Variants in TG observed in about 807,000 individuals in gnomAD.
The protein encoded by TG is thyroid hormones.
In TG, 270 loss-of-function variants were observed where a neutral mutation model predicts 324.7. The ratio of observed to expected loss-of-function variants is 0.83; its 90% CI spans 0.75 to 0.92. The LOEUF (loss-of-function observed/expected upper bound fraction) is 0.92. TG is among the 40% of genes least tolerant of loss of function. The probability of loss-of-function intolerance (pLI) is 0.00; values close to 1 mark genes in which losing one functional copy is unlikely to be tolerated. For synonymous variants in TG, 1,401 were observed against 1,327.0 expected, an observed-to-expected ratio of 1.06 and a Z score of -1.21; for missense variants, 3,591 against 3,456.4, an observed-to-expected ratio of 1.04 and a Z score of -0.98.
At position 132,972,722 on chromosome 8, in the gene TG, CG is replaced by C; in HGVS notation, c.6182del (p.Gly2061AspfsTer92). 1 of 1,614,084 alleles carries C rather than the reference CG, an allele frequency of 6.2e-7. No homozygotes were observed. The highest frequency in any genetic ancestry group is 8.5e-7 in the Non-Finnish European group (1 of 1,179,994). ...PDIEVHTYPF[G>X]WYQKPIAQNN... is the part of the protein sequence containing the mutation. The stretch of plus-strand genomic sequence containing the variant: ...ACATTGAAGTCCACACCTATCCCTT[CG>C]GATGGTACCAGAAGCCCAGTAAGTA... On this transcript the variant is annotated frameshift_variant, in exon 34 of 48. Transcript: ENST00000220616. LOFTEE classifies it high-confidence loss of function.
chr8:132,925,220 G>T (rs1339941613), intron 22 of TG, among the ~76,000 whole-genome samples: 2 of 152,094 alleles, frequency 1.3e-5, no homozygotes, highest in African/African-American at 2.4e-5. Context: ...CACTTCTCTT[G>T]GTTCCATAGT....
chr8:132,907,234 T>A (rs1478772100), intron 17 of TG, among the ~76,000 whole-genome samples: 1 of 152,144 alleles, frequency 6.6e-6, no homozygotes, highest in Non-Finnish European at 1.5e-5. Flanking sequence ...GATAGGTGGC[T>A]CACATGCTCA....
At chr8:132,984,910 G>C (rs1387893479) in intron 35 of TG, among the ~76,000 whole-genome samples, 1 of 148,956 alleles carries the variant, frequency 6.7e-6, no homozygotes, top group Non-Finnish European at 1.5e-5. Context: ...CTGTTCTCCA[G>C]CCTGAGCAAC....
chr8:132,986,842 C>T (rs769000121), intron 35 of TG, among the ~76,000 whole-genome samples: 177 of 152,034 alleles, frequency 1.2e-3, no homozygotes, highest in Non-Finnish European at 2.0e-3. Context: ...ACTTACCAGC[C>T]GTAAATTAAA....
intron 46 of TG, 33 bp from the exon 47 acceptor site, chr8:133,133,437 C>T (rs1588156336): frequency 6.2e-7 from 1 of 1,602,592 alleles, no homozygotes; most frequent in East Asian, 2.2e-5. Context: ...ACAAATTTCC[C>T]TCATGGATAT....
At chr8:133,090,913 G>A (rs1847407883) in intron 41 of TG, among the ~76,000 whole-genome samples, 1 of 152,112 alleles carries the variant, frequency 6.6e-6, no homozygotes, top group South Asian at 2.1e-4. Flanking sequence ...CCACAAGCAC[G>A]AGATGACACA....
chr8:133,118,883 T>A (rs1850922254), intron 45 of TG, among the ~76,000 whole-genome samples: 1 of 152,180 alleles, frequency 6.6e-6, no homozygotes, highest in Non-Finnish European at 1.5e-5. Context: ...GAGATAATCC[T>A]GGATTATCCC....
chr8:133,117,397 A>G (rs964558656), intron 45 of TG, among the ~76,000 whole-genome samples: 2 of 152,228 alleles, frequency 1.3e-5, no homozygotes, highest in Admixed American at 6.5e-5. Context: ...TCAGCTTCAG[A>G]GTGAAAGAAC....
At chr8:133,067,730 C>G (rs1053688547) in intron 41 of TG, among the ~76,000 whole-genome samples, 1 of 151,484 alleles carries the variant, frequency 6.6e-6, no homozygotes, top group Non-Finnish European at 1.5e-5. Context: ...AAGCTGAGAT[C>G]GCACCGCTGC....
At chr8:133,061,278 G>A (rs1842335290) in intron 41 of TG, among the ~76,000 whole-genome samples, 1 of 152,182 alleles carries the variant, frequency 6.6e-6, no homozygotes, top group Non-Finnish European at 1.5e-5. Context: ...CAATGTGGTG[G>A]GATTACAAGC....
rs1816722975 is a variant in TG, at chr8:132,893,934, G to GT, written c.3001+6dup. Reference sequence around the variant, plus strand: ...TTCGCCTGGCGGCTCAGTCTAGTGAGTGTGGTGCCCTTCAGCTTTCTTACT... The same window carrying GT: ...TTCGCCTGGCGGCTCAGTCTAGTGAGTTGTGGTGCCCTTCAGCTTTCTTACT... On this transcript the variant is annotated splice_donor_region_variant and intron_variant, in intron 11 of 47. Transcript: ENST00000220616. The GT allele has an allele frequency of 1.2e-6, 2 of 1,613,930 alleles. No homozygotes were observed.
chr8:132,989,179 A>T (rs981711849), intron 35 of TG, among the ~76,000 whole-genome samples: 3 of 152,204 alleles, frequency 2.0e-5, no homozygotes, highest in Non-Finnish European at 4.4e-5. Context: ...TGATTCAGTT[A>T]TCTCCCACTG....
chr8:132,914,198 T>G (rs1819958698), intron 20 of TG, among the ~76,000 whole-genome samples: 1 of 152,198 alleles, frequency 6.6e-6, no homozygotes, highest in Non-Finnish European at 1.5e-5. Flanking sequence ...ACCTAACATA[T>G]TCACAGATTC....
rs781746640 is a variant in TG, at chr8:133,096,343, C to T, written c.7542C>T (p.Asp2514=). ...TGCTCATTGGGAGTTCTCAGGACGA[C>T]GGGCTCATCAACAGAGCAAAGGCTG... The part of the protein sequence containing the change: ...VDLLIGSSQD[D]GLINRAKAVK... Residue 2514 remains aspartate (D), a synonymous_variant, in exon 43 of 48, where the codon GAC becomes GAT. Coordinates refer to ENST00000220616, the MANE Select transcript of TG (RefSeq NM_003235.5). 39 of 1,614,040 alleles carry T rather than the reference C, an allele frequency of 2.4e-5. No homozygotes were observed. Among genetic ancestry groups the T allele is most frequent in the South Asian group, 3.3e-5 (3 of 91,084 alleles).
chr8:132,928,149 G>A (rs1822152720), intron 22 of TG, among the ~76,000 whole-genome samples: 1 of 152,112 alleles, frequency 6.6e-6, no homozygotes, highest in East Asian at 1.9e-4. Flanking sequence ...TATTATGAAA[G>A]CTGAGAAAAA....
intron 20 of TG, among the ~76,000 whole-genome samples, chr8:132,916,603 C>T (rs1682532308): frequency 6.6e-6 from 1 of 152,144 alleles, no homozygotes; most frequent in African/African-American, 2.4e-5. Context: ...ACTCAGAGGT[C>T]CAATAGGAAA....
At chr8:133,099,482 G>A (rs1469645802) in intron 43 of TG, among the ~76,000 whole-genome samples, 1 of 152,174 alleles carries the variant, frequency 6.6e-6, no homozygotes, top group African/African-American at 2.4e-5. Flanking sequence ...CTAAACATGT[G>A]TCTGCACACA....
In TG at chr8:132,923,345, T is replaced by A. The variant is rs2132478245; in HGVS notation, c.4536T>A (p.Thr1512=). 1 of 1,614,054 alleles carries A rather than the reference T, an allele frequency of 6.2e-7. No homozygotes were observed. The highest frequency in any genetic ancestry group is 1.1e-5 in the South Asian group (1 of 91,054). Residue 1512 remains threonine, a synonymous_variant, in exon 22 of 48, where the codon ACT becomes ACA. Transcript: ENST00000220616. ...AGAFSQTHCV[T]DCQRNEAGLQ... ...TCAATCTATTGGTTCTAGGTGTCAC[T>A]GACTGTCAGAGGAACGAAGCAGGCC...
intron 43 of TG, 63 bp from the exon 44 acceptor site, chr8:133,113,359 G>C: frequency 6.3e-7 from 1 of 1,590,124 alleles, no homozygotes; most frequent in Non-Finnish European, 8.6e-7. Context: ...AAGGGTTTGA[G>C]GGACACTGAC....
Sources: allele counts gnomAD v4.1 joint callset (sites outside exome capture counted in the v4.1 genomes callset), GRCh38; gene constraint gnomAD v4.1.1; transcripts MANE v1.5; gene names NCBI Gene and HGNC (gene_info 2026-07-23, HGNC 2026-07-21).